SAMD12: variants seen among roughly 807,000 people sequenced by gnomAD.
SAMD12 encodes the protein sterile alpha motif domain-containing protein 12.
A neutral mutation model predicts 15.0 loss-of-function variants in SAMD12; 9 were observed. That is an observed-to-expected ratio of 0.60 (90% CI 0.36 to 1.05). The LOEUF (loss-of-function observed/expected upper bound fraction) is 1.05, where lower values mean the gene tolerates loss of function less well. Among genes scored for constraint, SAMD12 ranks in the 50% least tolerant of loss-of-function variants. SAMD12 has a pLI of 0.01. For synonymous variants in SAMD12, 86 were observed against 90.1 expected, an observed-to-expected ratio of 0.96 and a Z score of 0.25; for missense variants, 230 against 234.2, an observed-to-expected ratio of 0.98 and a Z score of 0.12.
chr8:118,348,953 T>C (rs897653016), intron 4 of SAMD12, among the ~76,000 whole-genome samples: 2 of 152,208 alleles, frequency 1.3e-5, no homozygotes, highest in African/African-American at 4.8e-5. Context: ...AGAGGCACCA[T>C]TAATTTCCTG....
chr8:118,367,759 T>C (rs985038719), intron 4 of SAMD12, among the ~76,000 whole-genome samples: 1 of 152,180 alleles, frequency 6.6e-6, no homozygotes, highest in Non-Finnish European at 1.5e-5. Context: ...ACAAGGATCA[T>C]TCCTGATAGA....
At chr8:118,349,018 AG>A (rs1319963221) in intron 4 of SAMD12, among the ~76,000 whole-genome samples, 1 of 152,226 alleles carries the variant, frequency 6.6e-6, no homozygotes, top group Non-Finnish European at 1.5e-5. Flanking sequence ...CTGTAAATAG[AG>A]CAAGACTCTA....
chr8:118,143,781 T>C, the SAMD12 span, among the ~76,000 whole-genome samples: 2 of 152,120 alleles, frequency 1.3e-5, no homozygotes. Context: ...TAACATGCCA[T>C]AGAATATGGA....
the SAMD12 span, among the ~76,000 whole-genome samples, chr8:118,180,549 C>CT: frequency 2.0e-5 from 3 of 149,478 alleles, no homozygotes; most frequent in Non-Finnish European, 3.0e-5. Flanking sequence ...TTTCTCTCTC[C>CT]CTCTCTCTCT....
intron 2 of SAMD12, among the ~76,000 whole-genome samples, chr8:118,577,140 T>G (rs967435073): frequency 2.0e-5 from 3 of 152,172 alleles, no homozygotes; most frequent in Non-Finnish European, 2.9e-5. Context: ...CCATCTAGAC[T>G]GTATGCTTCC....
intron 3 of SAMD12, among the ~76,000 whole-genome samples, chr8:118,410,547 G>C (rs1192008589): frequency 6.6e-6 from 1 of 152,206 alleles, no homozygotes; most frequent in African/African-American, 2.4e-5. Flanking sequence ...AGTTGTGGGT[G>C]TTTGCTATGT....
intron 4 of SAMD12, among the ~76,000 whole-genome samples, chr8:118,279,432 C>A (rs1813555170): frequency 6.6e-6 from 1 of 152,114 alleles, no homozygotes; most frequent in Admixed American, 6.5e-5. Flanking sequence ...GCCTGGGTGT[C>A]TTTTAATATG....
At chr8:118,374,335 T>C (rs1024626217), downstream of SAMD12, among the ~76,000 whole-genome samples, 2 of 152,192 alleles carry the variant, frequency 1.3e-5, no homozygotes, top group African/African-American at 2.4e-5. Flanking sequence ...AAAGGCCGAA[T>C]AATATTGCAT....
At chr8:118,151,624 C>T in the SAMD12 span, among the ~76,000 whole-genome samples, 7 of 151,794 alleles carry the variant, frequency 4.6e-5, no homozygotes, top group African/African-American at 7.3e-5. Context: ...GTCAGGAGAT[C>T]GAGACCACCC....
At chr8:118,554,498 A>G (rs2131192712) in intron 2 of SAMD12, among the ~76,000 whole-genome samples, 1 of 140,288 alleles carries the variant, frequency 7.1e-6, no homozygotes, top group South Asian at 2.3e-4. Context: ...ACACATGGAC[A>G]CAGGAAGGGG....
chr8:118,586,475 T>A (rs1179322463), intron 1 of SAMD12, among the ~76,000 whole-genome samples: 1 of 151,906 alleles, frequency 6.6e-6, no homozygotes, highest in Non-Finnish European at 1.5e-5. Flanking sequence ...CCCAAGTAGC[T>A]GTGACTACAG....
chr8:118,289,126 C>T (rs986652075), intron 4 of SAMD12, among the ~76,000 whole-genome samples: 2 of 152,150 alleles, frequency 1.3e-5, no homozygotes, highest in Non-Finnish European at 2.9e-5. Context: ...AAGATTTATG[C>T]ACTTTATTAA....
At chr8:118,252,863 A>G (rs28365507) in intron 4 of SAMD12, among the ~76,000 whole-genome samples, 1,902 of 152,236 alleles carry the variant, frequency 0.012, 49 homozygotes, top group South Asian at 0.05. Context: ...CCCACCTTTT[A>G]TCCTTTGTAA....
intron 2 of SAMD12, among the ~76,000 whole-genome samples, chr8:118,486,883 G>C (rs1824305613): frequency 6.6e-6 from 1 of 152,170 alleles, no homozygotes; most frequent in South Asian, 2.1e-4. Context: ...TGGAGCAGAG[G>C]TGCCCTCCGA....
intron 4 of SAMD12, among the ~76,000 whole-genome samples, chr8:118,317,591 A>T (rs1468055708): frequency 6.6e-6 from 1 of 152,180 alleles, no homozygotes; most frequent in African/African-American, 2.4e-5. Context: ...TTACTATTAG[A>T]ATTTGGCATT....
intron 3 of SAMD12, among the ~76,000 whole-genome samples, chr8:118,393,897 TG>T (rs1458910283): frequency 1.3e-5 from 2 of 152,168 alleles, no homozygotes; most frequent in East Asian, 3.8e-4. Context: ...CCACCAAGCC[TG>T]GCCCCATGCA....
chr8:118,165,680 G>A, the SAMD12 span, among the ~76,000 whole-genome samples: 1 of 120,264 alleles, frequency 8.3e-6, no homozygotes. Context: ...AAGCATAGTG[G>A]CATAGCAGTG....
At chr8:118,404,811 GTA>G (rs1821048083) in intron 3 of SAMD12, among the ~76,000 whole-genome samples, 2 of 151,986 alleles carry the variant, frequency 1.3e-5, no homozygotes, top group Admixed American at 1.3e-4. Context: ...TTTTCTACTT[GTA>G]ATACGCTTTT....
chr8:118,554,231 C>A (rs1586814763), intron 2 of SAMD12, among the ~76,000 whole-genome samples: 1 of 152,118 alleles, frequency 6.6e-6, no homozygotes, highest in South Asian at 2.1e-4. Context: ...GACACATGCA[C>A]ACGTATGTTT....
Sources: allele counts gnomAD v4.1 joint callset (sites outside exome capture counted in the v4.1 genomes callset), GRCh38; gene constraint gnomAD v4.1.1; transcripts MANE v1.5; gene names NCBI Gene and HGNC (gene_info 2026-07-23, HGNC 2026-07-21).